Variants in RAB7A observed in about 807,000 individuals in gnomAD.
RAB7A encodes RAB7A, member RAS oncogene family.
A neutral mutation model predicts 24.5 loss-of-function variants in RAB7A; 2 were observed. That is an observed-to-expected ratio of 0.08 (90% CI 0.03 to 0.26). RAB7A has a LOEUF of 0.26. Ranked by LOEUF, RAB7A falls within the 10% of genes least tolerant of loss-of-function variation. RAB7A has a pLI of 1.00. For missense variants in RAB7A, 118 were observed against 255.7 expected, an observed-to-expected ratio of 0.46 and a Z score of 3.67; for synonymous variants, 100 against 95.9, an observed-to-expected ratio of 1.04 and a Z score of -0.25.
At chr3:128,765,030 G>A (rs1031848424) in intron 1 of RAB7A, 21 of 1,468,778 alleles carry the variant, frequency 1.4e-5, no homozygotes, top group Admixed American at 1.2e-4. Flanking sequence ...CAGCAACTAA[G>A]GAGAGGTGGC....
intron 1 of RAB7A, among the ~76,000 whole-genome samples, chr3:128,740,354 C>G (rs1224724108): frequency 6.6e-6 from 1 of 152,220 alleles, no homozygotes; most frequent in Non-Finnish European, 1.5e-5. Context: ...GCACTCCAGC[C>G]TGGCAACAGA....
chr3:128,791,883 CT>C (rs894334717), intron 1 of RAB7A, among the ~76,000 whole-genome samples: 1 of 152,180 alleles, frequency 6.6e-6, no homozygotes, highest in African/African-American at 2.4e-5. Flanking sequence ...TGCCACTGCC[CT>C]GCCTGCCAGC....
At chr3:128,776,926 C>G (rs992666103) in intron 1 of RAB7A, among the ~76,000 whole-genome samples, 1 of 143,234 alleles carries the variant, frequency 7.0e-6, no homozygotes, top group Admixed American at 7.2e-5. Flanking sequence ...GTTTGCATTT[C>G]CCTGATGATT....
chr3:128,745,062 G>C (rs1450565048), intron 1 of RAB7A, among the ~76,000 whole-genome samples: 1 of 151,930 alleles, frequency 6.6e-6, no homozygotes, highest in African/African-American at 2.4e-5. Context: ...TTTTAGTAGA[G>C]ACAGGGTTTC....
At chr3:128,740,958 A>G (rs917558278) in intron 1 of RAB7A, among the ~76,000 whole-genome samples, 6 of 151,324 alleles carry the variant, frequency 4.0e-5, no homozygotes, top group African/African-American at 1.5e-4. Context: ...ATTAAACTAG[A>G]AAAATACTAA....
At chr3:128,788,495 C>T (rs570799299) in intron 1 of RAB7A, among the ~76,000 whole-genome samples, 1 of 152,308 alleles carries the variant, frequency 6.6e-6, no homozygotes, top group Non-Finnish European at 1.5e-5. Flanking sequence ...AAAACATGAA[C>T]ATCATCAATG....
At chr3:128,763,208 A>ATATATATATTTTTT (rs373993932) in intron 1 of RAB7A, among the ~76,000 whole-genome samples, 33 of 76,050 alleles carry the variant, frequency 4.3e-4, no homozygotes, top group African/African-American at 2.6e-3. Context: ...ATATATATAT[A>ATATATATATTTTTT]TTTTTTTTTT....
chr3:128,772,111 G>C (rs766912840), intron 1 of RAB7A, among the ~76,000 whole-genome samples: 1 of 152,224 alleles, frequency 6.6e-6, no homozygotes, highest in Non-Finnish European at 1.5e-5. Context: ...GGACAACAAA[G>C]AGCAGACATA....
At chr3:128,784,052 T>G (rs539414991) in intron 1 of RAB7A, among the ~76,000 whole-genome samples, 14 of 152,208 alleles carry the variant, frequency 9.2e-5, no homozygotes, top group Non-Finnish European at 1.8e-4. Context: ...GCACGTAACA[T>G]TCCCAATTTA....
chr3:128,774,308 T>TTTGGC (rs1933028598), intron 1 of RAB7A, among the ~76,000 whole-genome samples: 1 of 151,804 alleles, frequency 6.6e-6, no homozygotes, highest in Non-Finnish European at 1.5e-5. Context: ...CAGCAAGAGA[T>TTTGGC]AAATGCTATA....
In RAB7A at chr3:128,774,634, C is replaced by T. The variant is rs927424347; in HGVS notation, c.-8-20726C>T. 3.3e-5 allele frequency among the ~76,000 whole-genome samples: 5 copies of T among 152,158 alleles called. 1 individual carries two copies. Among genetic ancestry groups the T allele is most frequent in the Non-Finnish European group, 5.9e-5 (4 of 68,028 alleles). On this transcript the variant is annotated intron_variant, in intron 1 of 5. Transcript: ENST00000265062. ...TGTTGCCCAGGCTGGAGTGCAGTGG[C>T]ACGGTCTTGGCTCACTGCAAGCTCC...
At chr3:128,786,985 C>T (rs1933354983) in intron 1 of RAB7A, among the ~76,000 whole-genome samples, 1 of 152,204 alleles carries the variant, frequency 6.6e-6, no homozygotes, top group Non-Finnish European at 1.5e-5. Flanking sequence ...CAAAGTTATA[C>T]ATGGTATATA....
At chr3:128,765,116 G>A (rs2070817016) in intron 1 of RAB7A, 11 of 743,776 alleles carry the variant, frequency 1.5e-5, no homozygotes, top group Admixed American at 4.0e-5. Flanking sequence ...AGGGGACAGA[G>A]GGCTGGCTAC....
intron 3 of RAB7A, among the ~76,000 whole-genome samples, chr3:128,803,370 A>G (rs113485806): frequency 1.3e-5 from 2 of 152,086 alleles, no homozygotes; most frequent in African/African-American, 4.8e-5. Flanking sequence ...GGTGACAAAG[A>G]TGATAATGCC....
At chr3:128,800,777 T>C (rs569722054) in intron 3 of RAB7A, among the ~76,000 whole-genome samples, 2 of 152,166 alleles carry the variant, frequency 1.3e-5, no homozygotes, top group Non-Finnish European at 2.9e-5. Flanking sequence ...AGAGTACATC[T>C]TTAAGGGCTA....
chr3:128,760,532 T>TG (rs1291347911), intron 1 of RAB7A, among the ~76,000 whole-genome samples: 2 of 152,162 alleles, frequency 1.3e-5, no homozygotes, highest in African/African-American at 4.8e-5. Flanking sequence ...CTTCCTACAA[T>TG]GTAGAGTGCT....
At chr3:128,762,259 A>AT (rs1466019281) in intron 1 of RAB7A, among the ~76,000 whole-genome samples, 2 of 152,182 alleles carry the variant, frequency 1.3e-5, no homozygotes, top group Non-Finnish European at 2.9e-5. Context: ...AAGATTAAAG[A>AT]TGAAAAAGGC....
intron 1 of RAB7A, among the ~76,000 whole-genome samples, chr3:128,774,128 A>G (rs775309834): frequency 1.6e-4 from 24 of 149,772 alleles, no homozygotes; most frequent in Non-Finnish European, 3.4e-4. Flanking sequence ...AAGGTAATCT[A>G]CATCTTCTGA....
At chr3:128,752,353 G>C (rs1275024652) in intron 1 of RAB7A, among the ~76,000 whole-genome samples, 1 of 151,484 alleles carries the variant, frequency 6.6e-6, no homozygotes, top group African/African-American at 2.4e-5. Context: ...AGAAAAATGG[G>C]AAGAAGATAT....
Sources: allele counts gnomAD v4.1 joint callset (sites outside exome capture counted in the v4.1 genomes callset), GRCh38; gene constraint gnomAD v4.1.1; transcripts MANE v1.5; gene names NCBI Gene and HGNC (gene_info 2026-07-23, HGNC 2026-07-21).